Variants in MYO18B observed in about 807,000 individuals in gnomAD.
MYO18B encodes the protein unconventional myosin-XVIIIb.
MYO18B carries 204 observed loss-of-function variants against 273.0 expected under a neutral mutation model. The observed-to-expected ratio is 0.75, with a 90% CI of 0.67 to 0.84. The LOEUF (loss-of-function observed/expected upper bound fraction) is 0.84, where lower values mean the gene tolerates loss of function less well. Among genes scored for constraint, MYO18B ranks in the 40% least tolerant of loss-of-function variants. MYO18B has a pLI of 0.00. For synonymous variants in MYO18B, 1,330 were observed against 1,305.7 expected, an observed-to-expected ratio of 1.02 and a Z score of -0.40; for missense variants, 3,212 against 3,287.6, an observed-to-expected ratio of 0.98 and a Z score of 0.56.
At chr22:26,039,267 C>T in the MYO18B span, among the ~76,000 whole-genome samples, 1 of 152,312 alleles carries the variant, frequency 6.6e-6, no homozygotes, top group South Asian at 2.1e-4. Flanking sequence ...ATACCTGGCT[C>T]TTCCGTGATG....
chr22:25,953,893 T>G (rs934528143), intron 38 of MYO18B, among the ~76,000 whole-genome samples: 3 of 152,126 alleles, frequency 2.0e-5, no homozygotes, highest in Admixed American at 2.0e-4. Flanking sequence ...AGACACAGTT[T>G]GAGAACTCCT....
intron 11 of MYO18B, among the ~76,000 whole-genome samples, chr22:25,792,007 CAG>C: frequency 6.6e-6 from 1 of 152,360 alleles, no homozygotes; most frequent in East Asian, 1.9e-4. Flanking sequence ...ACTGTCATCT[CAG>C]ATCACGATTC....
chr22:26,025,327 T>C (rs1936158564), intron 42 of MYO18B, among the ~76,000 whole-genome samples: 1 of 152,188 alleles, frequency 6.6e-6, no homozygotes, highest in African/African-American at 2.4e-5. Flanking sequence ...CTGTCCTGTG[T>C]GATCAGGAGT....
chr22:25,994,819 C>CT (rs1933062231), intron 40 of MYO18B, among the ~76,000 whole-genome samples: 2 of 152,322 alleles, frequency 1.3e-5, no homozygotes, highest in Non-Finnish European at 2.9e-5. Flanking sequence ...AACAATAGAG[C>CT]TTTTGCATGA....
chr22:25,920,446 C>T (rs2092324098), intron 33 of MYO18B, among the ~76,000 whole-genome samples: 1 of 152,190 alleles, frequency 6.6e-6, no homozygotes, highest in African/African-American at 2.4e-5. Flanking sequence ...TTTTTGGCCA[C>T]TGAAGGCTGT....
At chr22:25,851,202 C>T (rs921927150) in intron 20 of MYO18B, among the ~76,000 whole-genome samples, 6 of 152,128 alleles carry the variant, frequency 3.9e-5, no homozygotes, top group Admixed American at 2.0e-4. Flanking sequence ...TTCCAAGAGG[C>T]GGATGAGTGT....
intron 12 of MYO18B, among the ~76,000 whole-genome samples, chr22:25,821,767 T>C (rs7289872): frequency 0.039 from 5,889 of 152,034 alleles, 384 homozygotes; most frequent in African/African-American, 0.13. Flanking sequence ...AGAGTGAGAC[T>C]CCATCTCAAA....
intron 17 of MYO18B, 33 bp from the exon 18 acceptor site, chr22:25,843,702 C>T (rs2090150517): frequency 6.2e-7 from 1 of 1,601,502 alleles, no homozygotes; most frequent in East Asian, 2.2e-5. Flanking sequence ...CCTCAACAGG[C>T]TCCAGCACTC....
intron 34 of MYO18B, among the ~76,000 whole-genome samples, chr22:25,938,426 A>G (rs1468788096): frequency 1.3e-5 from 2 of 152,312 alleles, no homozygotes; most frequent in East Asian, 1.9e-4. Flanking sequence ...TAGTGTGTAG[A>G]GGAGTCTTTG....
At chr22:25,796,161 G>GTGGCC (rs2087899875) in intron 11 of MYO18B, among the ~76,000 whole-genome samples, 1 of 152,210 alleles carries the variant, frequency 6.6e-6, no homozygotes, top group South Asian at 2.1e-4. Context: ...TCCTTGGCCA[G>GTGGCC]ATGGTGTGTG....
At chr22:25,800,860 G>T (rs535680904) in intron 12 of MYO18B, among the ~76,000 whole-genome samples, 1 of 152,326 alleles carries the variant, frequency 6.6e-6, no homozygotes, top group South Asian at 2.1e-4. Flanking sequence ...ATAAGAGAAA[G>T]TCACTTTTAT....
chr22:25,800,242 G>A (rs1359391348), intron 12 of MYO18B, among the ~76,000 whole-genome samples: 15 of 152,110 alleles, frequency 9.9e-5, no homozygotes, highest in African/African-American at 3.4e-4. Flanking sequence ...AGTGTACACC[G>A]CTAGGGGGGT....
chr22:25,777,039 C>T (rs756667149), intron 7 of MYO18B, among the ~76,000 whole-genome samples: 8 of 152,068 alleles, frequency 5.3e-5, no homozygotes, highest in Non-Finnish European at 1.0e-4. Flanking sequence ...ATGCTGTGCC[C>T]GAGTGCCTGC....
At position 25,823,576 on chromosome 22, in the gene MYO18B, G is replaced by T. The variant is rs747696308; in HGVS notation, c.2593G>T (p.Glu865Ter). ...AAEALGCEYE[E>*]LNTATFKHHL... The stretch of plus-strand genomic sequence containing the variant: ...TGAGGCCCTGGGCTGCGAGTATGAG[G>T]AGCTGAACACGGCCACCTTCAAGCA... Residue 865 changes from glutamate (E) to a stop codon, truncating the protein, a stop_gained, in exon 13 of 44, where the codon GAG becomes TAG. Transcript: ENST00000335473. LOFTEE classifies it high-confidence loss of function. The T allele has an allele frequency of 1.2e-5, 20 of 1,613,894 alleles. No individual in the cohort carries two copies. The highest frequency in any genetic ancestry group is 4.5e-5 in the East Asian group (2 of 44,884).
At chr22:25,867,387 T>G (rs1401309393) in intron 21 of MYO18B, among the ~76,000 whole-genome samples, 1 of 152,262 alleles carries the variant, frequency 6.6e-6, no homozygotes, top group Non-Finnish European at 1.5e-5. Flanking sequence ...GTACTTGTCC[T>G]TTTGTGACTG....
chr22:25,892,522 T>C (rs2091688224), intron 27 of MYO18B: 1 of 152,216 alleles, frequency 6.6e-6, no homozygotes, highest in African/African-American at 2.4e-5. Flanking sequence ...CCCAGCCTAA[T>C]GGAGTTGGGT....
rs33928909 is a variant in MYO18B at position 25,890,771 on chromosome 22, T to A, written c.4330T>A (p.Ser1444Thr). ...CCCATCTCAGATTGCTGACTTGACC[T>A]CTGACCTTGCCGATGAGCGCTTCAA... ...LLESKIADLT[S>T]DLADERFKGD... Residue 1444 changes from serine to threonine, a missense_variant, in exon 26 of 44, where the codon TCT becomes ACT. Ser to Thr is a moderately conservative substitution (Grantham distance 58). Coordinates refer to ENST00000335473, the MANE Select transcript of MYO18B (RefSeq NM_032608.7). 32,059 of 1,613,914 alleles carry A rather than the reference T, an allele frequency of 0.02. 522 individuals are homozygous for A. Among genetic ancestry groups the A allele is most frequent in the African/African-American group, 0.079 (5,889 of 75,008 alleles).
intron 42 of MYO18B, among the ~76,000 whole-genome samples, chr22:26,010,135 G>T (rs1305456878): frequency 7.9e-5 from 12 of 152,126 alleles, no homozygotes; most frequent in African/African-American, 2.4e-4. Flanking sequence ...CGTAAGTCTT[G>T]TATTCTACCC....
At chr22:25,935,772 G>C (rs751267571) in intron 34 of MYO18B, among the ~76,000 whole-genome samples, 1 of 152,172 alleles carries the variant, frequency 6.6e-6, no homozygotes, top group Non-Finnish European at 1.5e-5. Flanking sequence ...TCCTCCTACA[G>C]AGGGGGATCC....
Sources: allele counts gnomAD v4.1 joint callset (sites outside exome capture counted in the v4.1 genomes callset), GRCh38; gene constraint gnomAD v4.1.1; transcripts MANE v1.5; gene names NCBI Gene and HGNC (gene_info 2026-07-23, HGNC 2026-07-21).